FBXL7: variants seen among roughly 807,000 people sequenced by gnomAD.
The protein encoded by FBXL7 is F-box/LRR-repeat protein 7.
In FBXL7, 12 loss-of-function variants were observed where a neutral mutation model predicts 38.3. The observed-to-expected ratio is 0.31, with a 90% CI of 0.20 to 0.51. The LOEUF (loss-of-function observed/expected upper bound fraction) is 0.51, where lower values mean the gene tolerates loss of function less well. FBXL7 is among the 20% of genes least tolerant of loss of function. The probability of loss-of-function intolerance (pLI) is 0.98; values close to 1 mark genes in which losing one functional copy is unlikely to be tolerated. For missense variants in FBXL7, 567 were observed against 676.4 expected, an observed-to-expected ratio of 0.84 and a Z score of 1.79; for synonymous variants, 297 against 300.9, an observed-to-expected ratio of 0.99 and a Z score of 0.13.
chr5:15,704,863 C>T (rs936847388), intron 2 of FBXL7, among the ~76,000 whole-genome samples: 1 of 152,058 alleles, frequency 6.6e-6, no homozygotes, highest in Non-Finnish European at 1.5e-5. Context: ...TTCTCAATCC[C>T]ACCTATTCTT....
At chr5:15,824,352 G>A (rs188278992) in intron 2 of FBXL7, among the ~76,000 whole-genome samples, 1 of 150,468 alleles carries the variant, frequency 6.6e-6, no homozygotes, top group Admixed American at 6.6e-5. Flanking sequence ...TTTCCCAAAT[G>A]CATTTTGAAA....
chr5:15,692,244 G>A (rs1171371707), intron 2 of FBXL7, among the ~76,000 whole-genome samples: 1 of 152,204 alleles, frequency 6.6e-6, no homozygotes, highest in African/African-American at 2.4e-5. Context: ...ACTTCATAGA[G>A]ATGGGAATTA....
intron 2 of FBXL7, among the ~76,000 whole-genome samples, chr5:15,691,095 G>A (rs1284833159): frequency 6.6e-6 from 1 of 152,108 alleles, no homozygotes; most frequent in African/African-American, 2.4e-5. Context: ...CTATCTGTTG[G>A]TGTCACCCTT....
At chr5:15,913,400 T>C (rs976096048) in intron 2 of FBXL7, among the ~76,000 whole-genome samples, 10 of 152,230 alleles carry the variant, frequency 6.6e-5, no homozygotes, top group Admixed American at 1.3e-4. Flanking sequence ...ACTAAGGAAA[T>C]GCAAGGATTC....
At chr5:15,722,146 A>T (rs1235289885) in intron 2 of FBXL7, among the ~76,000 whole-genome samples, 1 of 152,110 alleles carries the variant, frequency 6.6e-6, no homozygotes, top group Non-Finnish European at 1.5e-5. Flanking sequence ...AATACTTTTA[A>T]GTAGGATTGC....
intron 2 of FBXL7, among the ~76,000 whole-genome samples, chr5:15,779,466 A>G (rs1505038): frequency 0.19 from 29,253 of 151,992 alleles, 2,814 homozygotes; most frequent in South Asian, 0.26. Context: ...ATGTACAACT[A>G]GAGTACATAA....
intron 2 of FBXL7, among the ~76,000 whole-genome samples, chr5:15,680,033 T>C (rs992171970): frequency 1.3e-5 from 2 of 152,210 alleles, no homozygotes; most frequent in Non-Finnish European, 2.9e-5. Context: ...ACACAAGTTT[T>C]AATTGAGCTT....
chr5:15,563,001 T>G lies in FBXL7; in HGVS notation c.38-52982T>G, dbSNP rs528004830. Reference sequence around the variant, plus strand: ...TGGCTTTCAACATTAGAAAGGATGGTTGGGGAAAATATAGCAGAACTTACT... The same window carrying G: ...TGGCTTTCAACATTAGAAAGGATGGGTGGGGAAAATATAGCAGAACTTACT... On this transcript the variant is annotated intron_variant, in intron 1 of 3. Coordinates refer to ENST00000504595, the MANE Select transcript of FBXL7 (RefSeq NM_012304.5). Among the ~76,000 whole-genome samples the G allele has an allele frequency of 1.8e-3, 279 of 152,202 alleles. 1 individual carries two copies. Among genetic ancestry groups the G allele is most frequent in the Middle Eastern group, 0.017 (5 of 294 alleles).
At chr5:15,560,244 G>C (rs559262460) in intron 1 of FBXL7, among the ~76,000 whole-genome samples, 1 of 152,244 alleles carries the variant, frequency 6.6e-6, no homozygotes, top group East Asian at 1.9e-4. Flanking sequence ...CTTCTTGTCT[G>C]TGCTGATTCC....
At chr5:15,669,811 G>A (rs1742407649) in intron 2 of FBXL7, among the ~76,000 whole-genome samples, 1 of 152,206 alleles carries the variant, frequency 6.6e-6, no homozygotes, top group Admixed American at 6.5e-5. Context: ...GAACTTGAAT[G>A]TTGCAGTAAA....
chr5:15,683,444 A>G (rs1398474325), intron 2 of FBXL7, among the ~76,000 whole-genome samples: 1 of 152,170 alleles, frequency 6.6e-6, no homozygotes, highest in Non-Finnish European at 1.5e-5. Flanking sequence ...GAGCTCTGCC[A>G]AGATTTCTGC....
chr5:15,677,938 C>G (rs1183854227), intron 2 of FBXL7, among the ~76,000 whole-genome samples: 1 of 152,164 alleles, frequency 6.6e-6, no homozygotes, highest in Non-Finnish European at 1.5e-5. Flanking sequence ...CCACCTTTCA[C>G]CTTCCTAAGA....
chr5:15,754,627 C>G (rs1003320183), intron 2 of FBXL7, among the ~76,000 whole-genome samples: 20 of 152,110 alleles, frequency 1.3e-4, no homozygotes, highest in African/African-American at 4.8e-4. Context: ...GCTTTTTATA[C>G]CAATGAGAAA....
intron 1 of FBXL7, among the ~76,000 whole-genome samples, chr5:15,530,833 G>A (rs1422437155): frequency 6.6e-6 from 1 of 152,178 alleles, no homozygotes; most frequent in Admixed American, 6.5e-5. Context: ...GCCAGCTGGG[G>A]AAGCCCCATG....
At chr5:15,712,902 A>G (rs561137901) in intron 2 of FBXL7, among the ~76,000 whole-genome samples, 1 of 152,132 alleles carries the variant, frequency 6.6e-6, no homozygotes, top group Non-Finnish European at 1.5e-5. Context: ...ACTCAGACCA[A>G]AAAGCTACAG....
rs541493785 is a variant in FBXL7 at position 15,629,315 on chromosome 5, C to A, written c.127+13243C>A. On this transcript the variant is annotated intron_variant, in intron 2 of 3. Transcript: ENST00000504595. ...ATACTTGAGACACAAGTATGGGAGTCAAGCAAAGGGTTCCTGCTGCCGTGG... is the reference window on the plus strand; with the variant it reads ...ATACTTGAGACACAAGTATGGGAGTAAAGCAAAGGGTTCCTGCTGCCGTGG... 1.2e-3 allele frequency among the ~76,000 whole-genome samples: 190 copies of A among 152,170 alleles called. 1 individual carries two copies. Among genetic ancestry groups the A allele is most frequent in the Non-Finnish European group, 1.8e-3 (121 of 68,020 alleles).
chr5:15,570,909 A>G (rs1738757650), intron 1 of FBXL7, among the ~76,000 whole-genome samples: 1 of 152,130 alleles, frequency 6.6e-6, no homozygotes, highest in Non-Finnish European at 1.5e-5. Context: ...GCTGACCAAC[A>G]TGGAGAAACC....
intron 2 of FBXL7, among the ~76,000 whole-genome samples, chr5:15,770,193 GT>G (rs1736692061): frequency 1.3e-5 from 2 of 152,120 alleles, no homozygotes; most frequent in South Asian, 4.1e-4. Context: ...TTGTGTCCTG[GT>G]GTCCACTTGC....
At chr5:15,537,427 A>G (rs536606212) in intron 1 of FBXL7, among the ~76,000 whole-genome samples, 329 of 152,238 alleles carry the variant, frequency 2.2e-3, no homozygotes, top group Non-Finnish European at 3.9e-3. Flanking sequence ...CCAGTTTTAT[A>G]TAAACCCTTA....
Sources: gnomAD v4.1 joint callset for allele counts (sites outside exome capture counted in the v4.1 genomes callset) on GRCh38, gnomAD v4.1.1 for gene constraint, MANE v1.5 for transcripts, NCBI Gene and HGNC (gene_info 2026-07-23, HGNC 2026-07-21) for gene names.